DAB1: variants seen among roughly 807,000 people sequenced by gnomAD.
DAB1 encodes disabled homolog 1.
DAB1 carries 15 observed loss-of-function variants against 64.6 expected under a neutral mutation model. The ratio of observed to expected loss-of-function variants is 0.23; its 90% CI spans 0.16 to 0.36. The LOEUF (loss-of-function observed/expected upper bound fraction) is 0.36, where lower values mean the gene tolerates loss of function less well. Ranked by LOEUF, DAB1 falls within the 10% of genes least tolerant of loss-of-function variation. The pLI is 1.00. For missense variants in DAB1, 596 were observed against 706.7 expected (o/e 0.84, Z 1.78); for synonymous variants, 235 against 251.9 (o/e 0.93, Z 0.64).
At chr1:57,432,892 G>A (rs1355785893) in intron 7 of DAB1, among the ~76,000 whole-genome samples, 1 of 152,050 alleles carries the variant, frequency 6.6e-6, no homozygotes, top group Non-Finnish European at 1.5e-5. Context: ...CATTTTACAA[G>A]TTAGAAATAA....
chr1:58,013,258 G>A (rs1646694166), intron 5 of DAB1, among the ~76,000 whole-genome samples: 1 of 152,144 alleles, frequency 6.6e-6, no homozygotes, highest in East Asian at 1.9e-4. Flanking sequence ...ATAGTGCCCT[G>A]CCATGAGAAG....
At chr1:58,098,043 G>A (rs1651095641) in intron 5 of DAB1, among the ~76,000 whole-genome samples, 1 of 152,140 alleles carries the variant, frequency 6.6e-6, no homozygotes, top group Non-Finnish European at 1.5e-5. Flanking sequence ...CAGTGTTAGT[G>A]GACAAAGCAG....
upstream of DAB1, among the ~76,000 whole-genome samples, chr1:57,884,681 T>C (rs990115607): frequency 6.6e-5 from 10 of 152,212 alleles, no homozygotes; most frequent in African/African-American, 2.2e-4. Flanking sequence ...CATATCCTCA[T>C]TGCTATAGTT....
chr1:58,513,058 C>T (rs560652666), intron 2 of DAB1, among the ~76,000 whole-genome samples: 116 of 152,242 alleles, frequency 7.6e-4, no homozygotes, highest in African/African-American at 2.6e-3. Context: ...GCTGTGTCCC[C>T]ACCCAAATCT....
intron 3 of DAB1, among the ~76,000 whole-genome samples, chr1:58,499,047 A>G (rs1166307238): frequency 6.6e-6 from 1 of 152,148 alleles, no homozygotes; most frequent in Non-Finnish European, 1.5e-5. Flanking sequence ...AACCATTCCT[A>G]AAATATGAAC....
intron 7 of DAB1, among the ~76,000 whole-genome samples, chr1:57,550,830 A>G (rs1310416049): frequency 1.3e-5 from 2 of 152,206 alleles, no homozygotes; most frequent in African/African-American, 4.8e-5. Flanking sequence ...TCATTTTTAT[A>G]TGCCTCAACA....
intron 7 of DAB1, among the ~76,000 whole-genome samples, chr1:57,514,028 T>G (rs2101357363): frequency 6.6e-6 from 1 of 152,380 alleles, no homozygotes; most frequent in Admixed American, 6.5e-5. Context: ...CAGAATTTCC[T>G]TCTTTTTTAA....
At chr1:58,047,121 T>A (rs1281608654) in intron 5 of DAB1, among the ~76,000 whole-genome samples, 2 of 152,204 alleles carry the variant, frequency 1.3e-5, no homozygotes, top group African/African-American at 4.8e-5. Context: ...TTGGAAATTC[T>A]GTTTTATTAT....
intron 6 of DAB1, among the ~76,000 whole-genome samples, chr1:57,779,976 T>C (rs1335857707): frequency 6.6e-6 from 1 of 152,186 alleles, no homozygotes; most frequent in African/African-American, 2.4e-5. Flanking sequence ...TACAAATGAC[T>C]AATCTTGAGA....
chr1:57,010,020 AG>A (rs899785110), intron 14 of DAB1, among the ~76,000 whole-genome samples: 3 of 152,202 alleles, frequency 2.0e-5, no homozygotes, highest in Non-Finnish European at 4.4e-5. Flanking sequence ...TGCAGGGTGC[AG>A]GGTCCTTTCT....
At chr1:57,239,523 G>A (rs555550369) in intron 2 of DAB1, among the ~76,000 whole-genome samples, 22 of 152,148 alleles carry the variant, frequency 1.4e-4, no homozygotes, top group Non-Finnish European at 2.9e-4. Flanking sequence ...AATGGGGAGT[G>A]TGGTCCCACG....
At chr1:57,625,353 C>T (rs1020387153) in intron 7 of DAB1, among the ~76,000 whole-genome samples, 1 of 152,068 alleles carries the variant, frequency 6.6e-6, no homozygotes, top group East Asian at 1.9e-4. Context: ...TGCCCCATCT[C>T]CCCCCTTATC....
intron 4 of DAB1, among the ~76,000 whole-genome samples, chr1:57,134,161 C>T (rs519401): frequency 0.15 from 22,558 of 152,006 alleles, 1,743 homozygotes; most frequent in South Asian, 0.2. Flanking sequence ...ATTTAACTGC[C>T]GACTGATAGA....
chr1:58,279,485 T>A (rs1359417588), intron 4 of DAB1, among the ~76,000 whole-genome samples: 1 of 152,180 alleles, frequency 6.6e-6, no homozygotes, highest in Non-Finnish European at 1.5e-5. Context: ...ATAATAAGCA[T>A]TTTATATAAG....
At chr1:57,981,071 C>T (rs1380263368) in intron 5 of DAB1, among the ~76,000 whole-genome samples, 2 of 151,994 alleles carry the variant, frequency 1.3e-5, no homozygotes, top group Non-Finnish European at 2.9e-5. Context: ...TTAAACACTT[C>T]AATTCTAGAG....
intron 5 of DAB1, among the ~76,000 whole-genome samples, chr1:57,936,141 C>T (rs1450211982): frequency 1.3e-5 from 2 of 152,210 alleles, no homozygotes; most frequent in Non-Finnish European, 2.9e-5. Flanking sequence ...CCAAGGAAGG[C>T]AGGAGCCCTT....
intron 4 of DAB1, among the ~76,000 whole-genome samples, chr1:58,340,139 T>C (rs1231071340): frequency 6.6e-6 from 1 of 152,210 alleles, no homozygotes; most frequent in Non-Finnish European, 1.5e-5. Context: ...ATTCTGGTGC[T>C]TTTCTATACA....
chr1:57,942,865 C>T (rs563300046), intron 5 of DAB1, among the ~76,000 whole-genome samples: 3 of 152,296 alleles, frequency 2.0e-5, no homozygotes, highest in African/African-American at 4.8e-5. Context: ...TTAGCCATTA[C>T]ACTAACATGA....
intron 2 of DAB1, among the ~76,000 whole-genome samples, chr1:57,160,865 T>G (rs183408544): frequency 1.6e-4 from 25 of 152,238 alleles, no homozygotes; most frequent in Middle Eastern, 6.8e-3. Context: ...AATCAATAAC[T>G]GGTTGATTAG....
Sources: gnomAD v4.1 joint callset for allele counts (sites outside exome capture counted in the v4.1 genomes callset) on GRCh38, gnomAD v4.1.1 for gene constraint, MANE v1.5 for transcripts, NCBI Gene and HGNC (gene_info 2026-07-23, HGNC 2026-07-21) for gene names.